The following MSANTD2 variants were observed in gnomAD, a reference collection of about 807,000 sequenced individuals.
The protein encoded by MSANTD2 is Myb/SANT DNA binding domain containing 2.
A neutral mutation model predicts 52.6 loss-of-function variants in MSANTD2; 19 were observed. The observed-to-expected ratio is 0.36, with a 90% CI of 0.25 to 0.53. The LOEUF (loss-of-function observed/expected upper bound fraction) is 0.53, where lower values mean the gene tolerates loss of function less well. Ranked by LOEUF, MSANTD2 falls within the 20% of genes least tolerant of loss-of-function variation. The probability of loss-of-function intolerance (pLI) is 0.91; values close to 1 mark genes in which losing one functional copy is unlikely to be tolerated. For synonymous variants in MSANTD2, 291 were observed against 289.7 expected (o/e 1.00, Z -0.04); for missense variants, 558 against 716.3 (o/e 0.78, Z 2.52).
intron 1 of MSANTD2, among the ~76,000 whole-genome samples, chr11:124,797,952 T>G (rs1304402992): frequency 1.3e-5 from 2 of 152,206 alleles, no homozygotes; most frequent in Non-Finnish European, 1.5e-5. Flanking sequence ...TTATATTCAG[T>G]GAGGTTTTGA....
At position 124,779,139 on chromosome 11, in the gene MSANTD2, G is replaced by C. The variant is rs1253745524; in HGVS notation, c.511-4165C>G. 1 of 152,226 alleles carries C rather than the reference G, an allele frequency of 6.6e-6. No individual in the cohort carries two copies. 9.4% of individuals were successfully genotyped at this position (152,226 alleles called of 1,614,324 possible). On this transcript the variant is annotated intron_variant, in intron 1 of 3. Coordinates refer to ENST00000374979, the MANE Select transcript of MSANTD2 (RefSeq NM_001308027.2). The surrounding 1 kb of genome is among the most constrained non-coding windows in gnomAD (Gnocchi z 4.6). ...GCATTCAGTTCTGGGCATCGAACCA[G>C]CTACAAGAGAGGGAAATTGTAGAGT...
At chr11:124,788,494 A>C (rs1435005236) in intron 1 of MSANTD2, among the ~76,000 whole-genome samples, 1 of 152,160 alleles carries the variant, frequency 6.6e-6, no homozygotes, top group Non-Finnish European at 1.5e-5. Context: ...TTTTCCTCTT[A>C]ATTTTATAGT....
intron 1 of MSANTD2, among the ~76,000 whole-genome samples, chr11:124,781,741 C>T (rs995320606): frequency 6.6e-6 from 1 of 151,852 alleles, no homozygotes; most frequent in African/African-American, 2.4e-5. Flanking sequence ...CAACCTCTGC[C>T]TCCTGGGTTC....
At chr11:124,773,857 G>A (rs1259539149) in intron 2 of MSANTD2, among the ~76,000 whole-genome samples, 3 of 152,054 alleles carry the variant, frequency 2.0e-5, no homozygotes, top group Non-Finnish European at 4.4e-5. Flanking sequence ...GAGTACCAAG[G>A]GCTGGGAGCA....
intron 3 of MSANTD2, 62 bp downstream of exon 3, chr11:124,772,931 TC>T (rs1334591388): frequency 3.9e-5 from 39 of 1,012,064 alleles, no homozygotes; most frequent in Non-Finnish European, 5.9e-5. Flanking sequence ...TATTTTCTGA[TC>T]TTCCCAATGG....
chr11:124,799,918 C>T lies in MSANTD2; in HGVS notation c.463G>A (p.Glu155Lys), dbSNP rs201157039. 1.3e-6 allele frequency: 2 copies of T among 1,585,050 alleles called. No homozygotes were observed. The highest frequency in any genetic ancestry group is 1.7e-6 in the Non-Finnish European group (2 of 1,173,906). The change falls in exon 1 of 4, where the codon GAG becomes AAG. Residue 155 changes from glutamate to lysine, a missense_variant. Around this residue, in one of 2 missense-constraint regions of MSANTD2, gnomAD observed 408 missense variants for 573.6 expected, o/e 0.71. Coordinates refer to ENST00000374979, the MANE Select transcript of MSANTD2 (RefSeq NM_001308027.2). ...GACGGGGTCCGCTCGTAGCCCAGCT[C>T]GGCCAGGGCCCGGGACACGCGCTCG... ...MYERVSRALA[E>K]LGYERTPSQC... is the part of the protein sequence containing the mutation.
At chr11:124,770,642 G>C (rs1005939971) in intron 3 of MSANTD2, among the ~76,000 whole-genome samples, 1 of 151,982 alleles carries the variant, frequency 6.6e-6, no homozygotes. Flanking sequence ...GTCTTACTCT[G>C]TTATCCAGGC....
Position 124,799,910 on chromosome 11 carries a change from G to A in MSANTD2, c.471C>T (p.Gly157=). 1.9e-6 allele frequency: 3 copies of A among 1,584,930 alleles called. No individual in the cohort carries two copies. The highest frequency in any genetic ancestry group is 2.6e-6 in the Non-Finnish European group (3 of 1,173,776). ...GGCACTGGGACGGGGTCCGCTCGTA[G>A]CCCAGCTCGGCCAGGGCCCGGGACA... ...ERVSRALAEL[G]YERTPSQCRE... Residue 157 remains glycine, a synonymous_variant, in exon 1 of 4, where the codon GGC becomes GGT. Transcript: ENST00000374979.
chr11:124,768,393 G>C (rs1944381553), intron 3 of MSANTD2, among the ~76,000 whole-genome samples: 1 of 152,084 alleles, frequency 6.6e-6, no homozygotes, highest in African/African-American at 2.4e-5. Context: ...AGAAATCTAT[G>C]GATCATAATA....
chr11:124,791,043 G>T, intron 1 of MSANTD2: 1 of 496,260 alleles, frequency 2.0e-6, no homozygotes, highest in Non-Finnish European at 3.7e-6. Flanking sequence ...AGCAAGTTGT[G>T]ACCACCTTTC....
intron 1 of MSANTD2, among the ~76,000 whole-genome samples, chr11:124,781,985 C>CT: frequency 6.6e-6 from 1 of 152,130 alleles, no homozygotes; most frequent in Non-Finnish European, 1.5e-5. Context: ...GAAGCTCAAA[C>CT]TTTGTCCTTA....
chr11:124,766,558 A>G lies in MSANTD2; in HGVS notation c.*618T>C, dbSNP rs1157417200. ...AAGGTTTAAATGGCAACACAACTGT[A>G]AAGTTGGTACATCACAGAAACAAAG... On this transcript the variant is annotated 3_prime_UTR_variant, in exon 4 of 4. Coordinates refer to ENST00000374979, the MANE Select transcript of MSANTD2 (RefSeq NM_001308027.2). The G allele has an allele frequency of 1.3e-5, 2 of 152,514 alleles. No individual in the cohort carries two copies. Among genetic ancestry groups the G allele is most frequent in the Non-Finnish European group, 2.9e-5 (2 of 68,028 alleles). The allele number at this position is 152,514 out of a possible 1,614,324, so 9.4% of individuals were successfully genotyped here. A position where few individuals can be genotyped will look rare whatever the true frequency, so the allele number is the denominator to read the frequency against.
Position 124,800,047 on chromosome 11 carries a change from G to A in MSANTD2, c.334C>T (p.Leu112Phe). The change falls in exon 1 of 4, where the codon CTC (leucine) becomes TTC (phenylalanine). Residue 112 changes from leucine to phenylalanine, a missense_variant. This residue lies in a region of MSANTD2 where 408 missense variants were observed against 573.6 expected (regional missense o/e 0.71). Transcript: ENST00000374979. The surrounding 1 kb of genome is among the most constrained non-coding windows in gnomAD (Gnocchi z 4.3). ...MSWTPAETNA[L>F]IAVWGNERLV... ...CGCTCGTTGCCCCACACTGCGATGA[G>A]CGCGTTCGTCTCGGCTGGCGTCCAC... is the stretch of plus-strand genomic sequence containing the variant. The A allele has an allele frequency of 6.4e-7, 1 of 1,567,144 alleles. No homozygotes were observed. Among genetic ancestry groups the A allele is most frequent in the African/African-American group, 1.4e-5 (1 of 71,112 alleles).
At chr11:124,783,785 A>G (rs147756593) in intron 1 of MSANTD2, 268 of 985,320 alleles carry the variant, frequency 2.7e-4, no homozygotes, top group Admixed American at 6.1e-4. Flanking sequence ...AAAAAACCCT[A>G]AAGAAGGACA....
Position 124,800,271 on chromosome 11 carries a change from G to A in MSANTD2, c.110C>T (p.Ser37Leu). The A allele has an allele frequency of 6.4e-7, 1 of 1,569,276 alleles. No individual in the cohort carries two copies. The highest frequency in any genetic ancestry group is 8.6e-7 in the Non-Finnish European group (1 of 1,160,584). The change falls in exon 1 of 4, where the codon TCG becomes TTG. Residue 37 changes from serine (S) to leucine (L), a missense_variant. Coordinates refer to ENST00000374979, the MANE Select transcript of MSANTD2 (RefSeq NM_001308027.2). This position sits in a 1 kb window ranked among gnomAD's most constrained non-coding sequence, Gnocchi z 4.3. ...CCGAGGCGTGGAAGGGTCGGACAGC[G>A]ATGGATTTCCGTCGCTCAGGCCACC... ...SPGGLSDGNP[S>L]LSDPSTPRGA...
At chr11:124,791,811 C>T in intron 1 of MSANTD2, 1 of 534,260 alleles carries the variant, frequency 1.9e-6, no homozygotes, top group South Asian at 1.9e-5. Flanking sequence ...CCGCCAGGGG[C>T]AGGTATTGTG....
chr11:124,777,919 A>G (rs1944804087), intron 1 of MSANTD2, among the ~76,000 whole-genome samples: 1 of 152,206 alleles, frequency 6.6e-6, no homozygotes, highest in African/African-American at 2.4e-5. Flanking sequence ...AAAGAGTAAG[A>G]ACTGAAACTT....
At chr11:124,770,868 G>A (rs1422871007) in intron 3 of MSANTD2, among the ~76,000 whole-genome samples, 1 of 151,830 alleles carries the variant, frequency 6.6e-6, no homozygotes, top group African/African-American at 2.4e-5. Flanking sequence ...AAGTAGCTGG[G>A]ATTACAGGCA....
At chr11:124,792,436 G>C (rs1945362639) in intron 1 of MSANTD2, 1 of 152,192 alleles carries the variant, frequency 6.6e-6, no homozygotes, top group Admixed American at 6.5e-5. Flanking sequence ...GATGCTTCCA[G>C]TTTTGCATTC....
Sources: allele counts gnomAD v4.1 joint callset (sites outside exome capture counted in the v4.1 genomes callset), GRCh38; gene constraint gnomAD v4.1.1; regional missense constraint gnomAD v4.1.1; non-coding constraint Gnocchi (gnomAD v3.1); transcripts MANE v1.5; gene names NCBI Gene and HGNC (gene_info 2026-07-23, HGNC 2026-07-21).